The following CELF4 variants were observed in gnomAD, a reference collection of about 807,000 sequenced individuals.
CELF4 encodes CUGBP Elav-like family member 4, also known as CUG-BP- and ETR-3-like factor 4.
CELF4 carries 18 observed loss-of-function variants against 59.9 expected under a neutral mutation model. That is an observed-to-expected ratio of 0.30 (90% CI 0.21 to 0.45). The LOEUF (loss-of-function observed/expected upper bound fraction) is 0.45, where lower values mean the gene tolerates loss of function less well. CELF4 is among the 20% of genes least tolerant of loss of function. The pLI is 1.00. For missense variants in CELF4, 456 were observed against 689.0 expected, an observed-to-expected ratio of 0.66 and a Z score of 3.79; for synonymous variants, 261 against 267.1, an observed-to-expected ratio of 0.98 and a Z score of 0.22.
chr18:37,308,958 G>A (rs924149801), intron 3 of CELF4, among the ~76,000 whole-genome samples: 1 of 152,122 alleles, frequency 6.6e-6, no homozygotes, highest in Non-Finnish European at 1.5e-5. Flanking sequence ...TGCTGGCTGG[G>A]CTTGCACCTG....
intron 3 of CELF4, among the ~76,000 whole-genome samples, chr18:37,281,799 G>A (rs1357667253): frequency 6.6e-6 from 1 of 152,176 alleles, no homozygotes; most frequent in African/African-American, 2.4e-5. Context: ...ATCCCATGCA[G>A]TGGCCCCCCC....
Position 37,565,504 on chromosome 18 carries a change from A to C in CELF4, c.138T>G (p.Ile46Met). ...LSHSPGNPST[I>M]PMKDHDAIKL... The stretch of plus-strand genomic sequence containing the variant: ...TGATGGCATCGTGGTCCTTCATGGG[A>C]ATGGTCGACGGGTTCCCCGGGCTGT... The change falls in exon 1 of 13, where the codon ATT becomes ATG. Residue 46 changes from isoleucine (I) to methionine (M), a missense_variant. Physicochemically the swap from Ile to Met is conservative, Grantham distance 10 (BLOSUM62 1). Transcript: ENST00000420428. The C allele has an allele frequency of 6.2e-7, 1 of 1,614,014 alleles. No homozygotes were observed.
rs2068206901 is a variant in CELF4, at chr18:37,254,885, A to G, written c.1334-947T>C. On this transcript the variant is annotated intron_variant, in intron 11 of 12. Coordinates refer to ENST00000420428, the MANE Select transcript of CELF4 (RefSeq NM_020180.4). The surrounding 1 kb of genome is among the most constrained non-coding windows in gnomAD (Gnocchi z 5.1). Reference sequence around the variant, plus strand: ...CTTCATACAGACAACATTTTACATCAGCATTTCCCAAACTGGCCCTAATAG... The same window carrying G: ...CTTCATACAGACAACATTTTACATCGGCATTTCCCAAACTGGCCCTAATAG... 6.6e-6 allele frequency among the ~76,000 whole-genome samples: 1 copy of G among 152,214 alleles called. No individual in the cohort carries two copies. The highest frequency in any genetic ancestry group is 6.5e-5 in the Admixed American group (1 of 15,288).
At chr18:37,413,294 G>A (rs895315027) in intron 2 of CELF4, among the ~76,000 whole-genome samples, 5 of 152,166 alleles carry the variant, frequency 3.3e-5, no homozygotes, top group Admixed American at 6.5e-5. Context: ...GCATTTCTGC[G>A]TTTGTTCATG....
At chr18:37,348,947 G>A (rs1050854158) in intron 2 of CELF4, among the ~76,000 whole-genome samples, 1 of 152,124 alleles carries the variant, frequency 6.6e-6, no homozygotes, top group Admixed American at 6.5e-5. Flanking sequence ...TGCCTCCAGG[G>A]GGTTTGGGAG....
chr18:37,445,621 G>T (rs1042431132), intron 2 of CELF4, among the ~76,000 whole-genome samples: 1 of 152,082 alleles, frequency 6.6e-6, no homozygotes, highest in African/African-American at 2.4e-5. Flanking sequence ...GACAATGCCC[G>T]CAAGGATGGG....
chr18:37,513,729 C>T (rs192246136), intron 1 of CELF4, among the ~76,000 whole-genome samples: 92 of 152,268 alleles, frequency 6.0e-4, no homozygotes, highest in Admixed American at 4.8e-3. Flanking sequence ...CCTGGAATAC[C>T]CTCCCTAGCA....
chr18:37,501,331 G>A (rs2099931641), intron 1 of CELF4, among the ~76,000 whole-genome samples: 1 of 152,270 alleles, frequency 6.6e-6, no homozygotes, highest in African/African-American at 2.4e-5. Flanking sequence ...ATGAGTCAGA[G>A]CTATGGCTTT....
chr18:37,498,862 C>T (rs770881922), intron 1 of CELF4, among the ~76,000 whole-genome samples: 38 of 152,150 alleles, frequency 2.5e-4, no homozygotes, highest in Non-Finnish European at 4.4e-5. Flanking sequence ...GAGTCTCTTC[C>T]AGAATCTGTG....
At chr18:37,275,465 C>A (rs1276891763) in intron 3 of CELF4, among the ~76,000 whole-genome samples, 1 of 151,942 alleles carries the variant, frequency 6.6e-6, no homozygotes, top group Non-Finnish European at 1.5e-5. Context: ...AGCGCACAGT[C>A]GCGGGACAGG....
chr18:37,338,451 A>C (rs9948470), intron 2 of CELF4, among the ~76,000 whole-genome samples: 2 of 142,846 alleles, frequency 1.4e-5, no homozygotes, highest in Non-Finnish European at 2.9e-5. Context: ...CACCACTGTC[A>C]CTACCACCAT....
intron 2 of CELF4, among the ~76,000 whole-genome samples, chr18:37,324,476 T>G (rs535988260): frequency 6.6e-6 from 1 of 152,244 alleles, no homozygotes; most frequent in East Asian, 1.9e-4. Context: ...CAGAAACCAA[T>G]CCTGCCCACA....
intron 3 of CELF4, among the ~76,000 whole-genome samples, chr18:37,314,118 CAG>C: frequency 6.6e-6 from 1 of 152,336 alleles, no homozygotes; most frequent in South Asian, 2.1e-4. Context: ...GACAGGGACA[CAG>C]AGACACAAGA....
chr18:37,475,300 G>A (rs1603642110), intron 2 of CELF4, among the ~76,000 whole-genome samples: 1 of 152,322 alleles, frequency 6.6e-6, no homozygotes, highest in East Asian at 1.9e-4. Context: ...TGAACTTCTT[G>A]TGCCCACGAA....
At chr18:37,465,652 G>A (rs1457539506) in intron 2 of CELF4, among the ~76,000 whole-genome samples, 2 of 152,220 alleles carry the variant, frequency 1.3e-5, no homozygotes, top group South Asian at 2.1e-4. Context: ...AGGAGTCTGT[G>A]TAGGTTCAGG....
intron 2 of CELF4, among the ~76,000 whole-genome samples, chr18:37,389,132 G>A (rs539377616): frequency 6.6e-6 from 1 of 152,330 alleles, no homozygotes; most frequent in Admixed American, 6.5e-5. Flanking sequence ...TTGAGAGTTG[G>A]AGATGCACCT....
chr18:37,439,732 C>T (rs1211293301), intron 2 of CELF4, among the ~76,000 whole-genome samples: 1 of 152,138 alleles, frequency 6.6e-6, no homozygotes, highest in East Asian at 1.9e-4. Flanking sequence ...TCCCCTCAGG[C>T]CGGTGTGGGA....
At chr18:37,397,479 G>C (rs549074082) in intron 2 of CELF4, among the ~76,000 whole-genome samples, 59 of 152,252 alleles carry the variant, frequency 3.9e-4, no homozygotes, top group African/African-American at 1.4e-3. Flanking sequence ...TCCAGGCTTT[G>C]GTTTTCTCAT....
intron 2 of CELF4, among the ~76,000 whole-genome samples, chr18:37,393,950 G>T (rs2099203185): frequency 6.9e-6 from 1 of 144,226 alleles, no homozygotes; most frequent in Non-Finnish European, 1.5e-5. Flanking sequence ...CACCTCCTCC[G>T]AGCGGAGCGC....
Sources: gnomAD v4.1 joint callset for allele counts (sites outside exome capture counted in the v4.1 genomes callset) on GRCh38, gnomAD v4.1.1 for gene constraint, Gnocchi (gnomAD v3.1) non-coding constraint, MANE v1.5 for transcripts, NCBI Gene and HGNC (gene_info 2026-07-23, HGNC 2026-07-21) for gene names.